MCM6: variants seen among roughly 807,000 people sequenced by gnomAD.
The protein encoded by MCM6 is DNA replication licensing factor MCM6.
MCM6 carries 46 observed loss-of-function variants against 94.3 expected under a neutral mutation model. The ratio of observed to expected loss-of-function variants is 0.49; its 90% CI spans 0.39 to 0.62. The LOEUF is 0.62. Among genes scored for constraint, MCM6 ranks in the 20% least tolerant of loss-of-function variants. MCM6 has a pLI of 0.00. For synonymous variants in MCM6, 335 were observed against 351.9 expected, an observed-to-expected ratio of 0.95 and a Z score of 0.54; for missense variants, 865 against 1,017.9, an observed-to-expected ratio of 0.85 and a Z score of 2.04.
Position 135,851,463 on chromosome 2 carries a change from C to T in MCM6, c.1856G>A (p.Arg619Gln). 2 of 1,613,718 alleles carry T rather than the reference C, an allele frequency of 1.2e-6. No individual in the cohort carries two copies. Among genetic ancestry groups the T allele is most frequent in the Non-Finnish European group, 1.7e-6 (2 of 1,179,836 alleles). ...GAGACGAATCATGCTCTCAAGCTGT[C>T]GCACTGTAATCCTCCATGAAGACTT... ...VTKSSWRITV[R>Q]QLESMIRLSE... The change falls in exon 13 of 17, where the codon CGA becomes CAA. Residue 619 changes from arginine to glutamine, a missense_variant. Physicochemically the swap from Arg to Gln is conservative, Grantham distance 43. This residue lies in a region of MCM6 where 308 missense variants were observed against 324.5 expected (regional missense o/e 0.95). Coordinates refer to ENST00000264156, the MANE Select transcript of MCM6 (RefSeq NM_005915.6).
chr2:135,848,658 C>T (rs984538773), intron 13 of MCM6, among the ~76,000 whole-genome samples: 6 of 152,114 alleles, frequency 3.9e-5, no homozygotes, highest in East Asian at 1.9e-4. Flanking sequence ...CAGAGGCAGG[C>T]GGATCACCTG....
chr2:135,872,604 T>C lies in MCM6; in HGVS notation c.254+93A>G, dbSNP rs1166064474. 10 of 1,313,554 alleles carry C rather than the reference T, an allele frequency of 7.6e-6. No homozygotes were observed. The Admixed American group carries it at 1.1e-4, about 14-fold the overall frequency. The allele number at this position is 1,313,554 out of a possible 1,614,324, so 81.4% of individuals were successfully genotyped here. A position where few individuals can be genotyped will look rare whatever the true frequency, so the allele number is the denominator to read the frequency against. ...GGGAAATAACTGTGAAAGCTGACCT[T>C]CTGCTACACAAGTGAACACTTACAG... On this transcript the variant is annotated intron_variant, in intron 2 of 16. Transcript: ENST00000264156.
chr2:135,863,475 G>C (rs560769085), intron 7 of MCM6, among the ~76,000 whole-genome samples: 43 of 152,176 alleles, frequency 2.8e-4, no homozygotes, highest in African/African-American at 9.9e-4. Flanking sequence ...TGGAAGATCC[G>C]AGCACTTTGG....
intron 16 of MCM6, among the ~76,000 whole-genome samples, chr2:135,842,846 G>A (rs186522100): frequency 3.9e-5 from 6 of 152,092 alleles, no homozygotes; most frequent in Admixed American, 3.9e-4. Flanking sequence ...GTGAATGAGG[G>A]GACAGGGGTT....
In MCM6 at chr2:135,851,390, T is replaced by G; in HGVS notation, c.1917+12A>C. Reference sequence around the variant, plus strand: ...TATCTCTGCTCTCATCATATCAAAGTGACTCTGATACCTCATCACAGCAGT... The same window carrying G: ...TATCTCTGCTCTCATCATATCAAAGGGACTCTGATACCTCATCACAGCAGT... On this transcript the variant is annotated intron_variant, in intron 13 of 16. Transcript: ENST00000264156. The G allele has an allele frequency of 6.2e-7, 1 of 1,604,886 alleles. No individual in the cohort carries two copies. Among genetic ancestry groups the G allele is most frequent in the East Asian group, 2.2e-5 (1 of 44,730 alleles).
chr2:135,868,577 T>A, intron 4 of MCM6, 34 bp downstream of exon 4: 1 of 1,599,114 alleles, frequency 6.3e-7, no homozygotes, highest in South Asian at 1.1e-5. Flanking sequence ...TTATCATAGA[T>A]GGACTCTGAT....
At chr2:135,847,536 T>C (rs140910352) in intron 14 of MCM6, among the ~76,000 whole-genome samples, 10 of 152,332 alleles carry the variant, frequency 6.6e-5, no homozygotes, top group African/African-American at 2.4e-4. Context: ...ATTATCACCA[T>C]TTTGCTGCCT....
chr2:135,864,068 G>A (rs189664756), intron 7 of MCM6, among the ~76,000 whole-genome samples: 70 of 152,130 alleles, frequency 4.6e-4, no homozygotes, highest in African/African-American at 1.7e-3. Flanking sequence ...CTGAGATCAC[G>A]CCACTGCACT....
At position 135,866,673 on chromosome 2, in the gene MCM6, A is replaced by C; in HGVS notation, c.671T>G (p.Leu224Ter). The change falls in exon 5 of 17, where the codon TTA (leucine) becomes TGA (stop). Residue 224 changes from leucine (L) to a stop codon, truncating the protein, a stop_gained. Coordinates refer to ENST00000264156, the MANE Select transcript of MCM6 (RefSeq NM_005915.6). LOFTEE classifies it high-confidence loss of function. ...ELPRGSIPRS[L>*]EVILRAEAVE... Reference sequence around the variant, plus strand: ...AGCTTCAGCCCTTAAAATTACTTCTAAACTGCGGGGGATACTCCCTCGAGG... The same window carrying C: ...AGCTTCAGCCCTTAAAATTACTTCTCAACTGCGGGGGATACTCCCTCGAGG... 6.2e-7 allele frequency: 1 copy of C among 1,614,124 alleles called. No individual in the cohort carries two copies. Among genetic ancestry groups the C allele is most frequent in the Non-Finnish European group, 8.5e-7 (1 of 1,180,022 alleles).
At position 135,865,196 on chromosome 2, in the gene MCM6, T is replaced by C. The variant is rs776094659; in HGVS notation, c.928-33A>G. 5 of 1,382,044 alleles carry C rather than the reference T, an allele frequency of 3.6e-6. No homozygotes were observed. In the African/African-American group the frequency reaches 5.9e-5, roughly 16 times the overall value. 85.6% of individuals were successfully genotyped at this position (1,382,044 alleles called of 1,614,324 possible). On this transcript the variant is annotated intron_variant, in intron 6 of 16. Coordinates refer to ENST00000264156, the MANE Select transcript of MCM6 (RefSeq NM_005915.6). ...TAGAGAACAAAGGAAGAATCATTAG[T>C]ATAGAAGCAGTCAAAAGAGCATAAA...
chr2:135,865,058 T>A lies in MCM6; in HGVS notation c.1033A>T (p.Asn345Tyr). Residue 345 changes from asparagine to tyrosine, a missense_variant, in exon 7 of 17, where the codon AAT becomes TAT. Physicochemically the swap from Asn to Tyr is moderately radical, Grantham distance 143. This residue lies in a region of MCM6 where 404 missense variants were observed against 451.9 expected (regional missense o/e 0.89). Coordinates refer to ENST00000264156, the MANE Select transcript of MCM6 (RefSeq NM_005915.6). ...CTGGTACAAAGATTGTGGTATAGAT[T>A]TTTATCTTGACTCATCTCAAACACT... ...EKVFEMSQDK[N>Y]LYHNLCTSLF... 1.3e-6 allele frequency: 2 copies of A among 1,566,228 alleles called. No homozygotes were observed. Among genetic ancestry groups the A allele is most frequent in the Non-Finnish European group, 1.7e-6 (2 of 1,156,688 alleles).
intron 10 of MCM6, 38 bp from the exon 11 acceptor site, chr2:135,856,921 G>C (rs978924947): frequency 6.4e-7 from 1 of 1,566,778 alleles, no homozygotes; most frequent in Non-Finnish European, 8.7e-7. Flanking sequence ...GATTTAAATA[G>C]ACATCAGCCA....
chr2:135,847,450 G>A (rs1353715384), intron 14 of MCM6, among the ~76,000 whole-genome samples: 2 of 152,130 alleles, frequency 1.3e-5, no homozygotes, highest in Non-Finnish European at 2.9e-5. Flanking sequence ...CTGTTCTAAT[G>A]TGCTTGAAAA....
At chr2:135,846,092 A>G (rs1191191282) in intron 15 of MCM6, 145 bp downstream of exon 15, 1 of 743,666 alleles carries the variant, frequency 1.3e-6, no homozygotes, top group Non-Finnish European at 2.2e-6. Context: ...GATACTCCAC[A>G]AATTTACTTT....
chr2:135,859,362 A>C lies in MCM6; in HGVS notation c.1301T>G (p.Val434Gly). Reference sequence around the variant, plus strand: ...AAACTCATGAGATTCTTCATCTCTCACAACAGCTGCTGTTAAGCCAGCAGC... The same window carrying C: ...AAACTCATGAGATTCTTCATCTCTCCCAACAGCTGCTGTTAAGCCAGCAGC... Reference protein sequence around the residue: ...SSAAGLTAAVVRDEESHEFVI... With the variant: ...SSAAGLTAAVGRDEESHEFVI... The change falls in exon 9 of 17, where the codon GTG (valine) becomes GGG (glycine). Residue 434 changes from valine (V) to glycine (G), a missense_variant. Coordinates refer to ENST00000264156, the MANE Select transcript of MCM6 (RefSeq NM_005915.6). The C allele has an allele frequency of 1.2e-6, 2 of 1,613,538 alleles. No individual in the cohort carries two copies. Among genetic ancestry groups the C allele is most frequent in the Non-Finnish European group, 1.7e-6 (2 of 1,179,464 alleles).
chr2:135,859,907 G>A (rs12474093), intron 8 of MCM6, among the ~76,000 whole-genome samples: 19,243 of 151,876 alleles, frequency 0.13, 1,782 homozygotes, highest in Middle Eastern at 0.36. Flanking sequence ...GGGTTCAAGC[G>A]ATTCTCCTGC....
chr2:135,876,305 C>T lies in MCM6; in HGVS notation c.61G>A (p.Glu21Lys). The T allele has an allele frequency of 6.2e-7, 1 of 1,611,462 alleles. No individual in the cohort carries two copies. The highest frequency in any genetic ancestry group is 8.5e-7 in the Non-Finnish European group (1 of 1,179,518). The change falls in exon 1 of 17, where the codon GAG (glutamate) becomes AAG (lysine). Residue 21 changes from glutamate (E) to lysine (K), a missense_variant. Physicochemically the swap from Glu to Lys is moderately conservative, Grantham distance 56 (BLOSUM62 1). Coordinates refer to ENST00000264156, the MANE Select transcript of MCM6 (RefSeq NM_005915.6). The part of the protein sequence containing the change: ...AGSQHLEVRD[E>K]VAEKCQKLFL... ...AGTTTCTGGCACTTCTCGGCCACCT[C>T]GTCGCGGACCTCCAGGTGCTGGCTG... is the stretch of plus-strand genomic sequence containing the variant.
intron 4 of MCM6, among the ~76,000 whole-genome samples, chr2:135,867,823 G>A (rs1253227348): frequency 2.6e-5 from 4 of 152,142 alleles, no homozygotes; most frequent in Admixed American, 2.0e-4. Context: ...TCAGGAGATC[G>A]AGACCATCCT....
intron 8 of MCM6, among the ~76,000 whole-genome samples, chr2:135,860,993 T>C (rs888694126): frequency 5.3e-5 from 8 of 152,166 alleles, no homozygotes; most frequent in Middle Eastern, 3.4e-3. Flanking sequence ...ACATACCACA[T>C]GACACTGTTA....
Sources: allele counts gnomAD v4.1 joint callset (sites outside exome capture counted in the v4.1 genomes callset), GRCh38; gene constraint gnomAD v4.1.1; regional missense constraint gnomAD v4.1.1; transcripts MANE v1.5; gene names NCBI Gene and HGNC (gene_info 2026-07-23, HGNC 2026-07-21).